Variants in ARB2A observed in about 807,000 individuals in gnomAD.
The protein encoded by ARB2A is cotranscriptional regulator ARB2A.
the ARB2A span, among the ~76,000 whole-genome samples, chr5:93,677,709 G>T: frequency 6.6e-6 from 1 of 152,328 alleles, no homozygotes; most frequent in South Asian, 2.1e-4. Context: ...ATGATGTTCA[G>T]TTTTTTAATT....
At chr5:93,746,017 T>C in the ARB2A span, among the ~76,000 whole-genome samples, 1 of 152,250 alleles carries the variant, frequency 6.6e-6, no homozygotes, top group Middle Eastern at 3.4e-3. Flanking sequence ...GGCAGCTGAG[T>C]ACTTTAAGGA....
At chr5:93,825,045 A>G in the ARB2A span, among the ~76,000 whole-genome samples, 42 of 152,314 alleles carry the variant, frequency 2.8e-4, no homozygotes, top group African/African-American at 9.1e-4. Context: ...TCAGGATTGT[A>G]CTGGTAAAGC....
chr5:93,837,717 A>T, the ARB2A span, among the ~76,000 whole-genome samples: 5 of 152,108 alleles, frequency 3.3e-5, no homozygotes, highest in Admixed American at 2.6e-4. Flanking sequence ...CTGCTGTGAG[A>T]TGGCATCTCA....
chr5:93,941,708 T>C, the ARB2A span, among the ~76,000 whole-genome samples: 1 of 152,184 alleles, frequency 6.6e-6, no homozygotes, highest in Non-Finnish European at 1.5e-5. Flanking sequence ...AATATCTAAT[T>C]GTTTTAAAAT....
the ARB2A span, among the ~76,000 whole-genome samples, chr5:94,031,981 G>A: frequency 1.3e-5 from 2 of 152,338 alleles, no homozygotes; most frequent in African/African-American, 4.8e-5. Context: ...GATGTGCAGA[G>A]GTGTGCAGGC....
the ARB2A span, chr5:93,881,757 T>C: frequency 3.4e-6 from 4 of 1,172,698 alleles, no homozygotes; most frequent in Admixed American, 1.0e-4. Flanking sequence ...AAAAAAGTTC[T>C]TAAAATTTCA....
chr5:93,851,405 CAT>C, the ARB2A span, among the ~76,000 whole-genome samples: 9 of 152,062 alleles, frequency 5.9e-5, no homozygotes, highest in East Asian at 1.9e-4. Flanking sequence ...TTTCAGTTCT[CAT>C]AGAGATATGA....
At chr5:93,976,648 G>A in the ARB2A span, among the ~76,000 whole-genome samples, 6 of 152,224 alleles carry the variant, frequency 3.9e-5, no homozygotes, top group Admixed American at 3.9e-4. Context: ...TCTCCTGCTG[G>A]ATGTGAAGAA....
the ARB2A span, chr5:93,733,233 G>C: frequency 1.5e-5 from 2 of 133,588 alleles, no homozygotes; most frequent in African/African-American, 5.7e-5. Context: ...ACGGAGTCTT[G>C]CTCCATTGCC....
At chr5:94,010,904 C>T in the ARB2A span, among the ~76,000 whole-genome samples, 12 of 152,036 alleles carry the variant, frequency 7.9e-5, no homozygotes, top group South Asian at 1.7e-3. Flanking sequence ...GAGGAAAATA[C>T]GCTACACAGG....
the ARB2A span, among the ~76,000 whole-genome samples, chr5:93,648,203 CT>C: frequency 6.6e-6 from 1 of 150,652 alleles, no homozygotes; most frequent in East Asian, 1.9e-4. Context: ...ATTTTATAGG[CT>C]TTTAAAAGAT....
the ARB2A span, among the ~76,000 whole-genome samples, chr5:93,904,536 C>T: frequency 6.6e-6 from 1 of 151,746 alleles, no homozygotes; most frequent in African/African-American, 2.4e-5. Flanking sequence ...AAAATCCTAT[C>T]TCTTTGTGTA....
chr5:93,691,935 A>C, the ARB2A span, among the ~76,000 whole-genome samples: 1 of 152,194 alleles, frequency 6.6e-6, no homozygotes, highest in African/African-American at 2.4e-5. Context: ...AAGCTTCATA[A>C]GCGAAGAAGA....
the ARB2A span, among the ~76,000 whole-genome samples, chr5:93,764,030 C>T: frequency 9.2e-5 from 14 of 152,198 alleles, no homozygotes; most frequent in African/African-American, 3.1e-4. Context: ...GTCAGAATCT[C>T]TCGGACACAT....
At chr5:93,644,563 C>T in the ARB2A span, among the ~76,000 whole-genome samples, 163 of 152,196 alleles carry the variant, frequency 1.1e-3, no homozygotes, top group African/African-American at 3.7e-3. Flanking sequence ...AAATAGAAAA[C>T]ATTTCTTTAC....
the ARB2A span, among the ~76,000 whole-genome samples, chr5:93,638,559 T>G: frequency 6.6e-6 from 1 of 152,048 alleles, no homozygotes; most frequent in Non-Finnish European, 1.5e-5. Flanking sequence ...ATGCCTGTAA[T>G]CCCAGCACTT....
chr5:94,093,842 C>T, the ARB2A span, among the ~76,000 whole-genome samples: 1 of 152,116 alleles, frequency 6.6e-6, no homozygotes, highest in African/African-American at 2.4e-5. Context: ...ACCTGTGAAA[C>T]CTGACAAGTT....
chr5:93,853,146 G>A, the ARB2A span, among the ~76,000 whole-genome samples: 1 of 151,974 alleles, frequency 6.6e-6, no homozygotes. Flanking sequence ...GCAGTGGTTT[G>A]TAGTTCTCCT....
At chr5:93,912,023 C>T in the ARB2A span, among the ~76,000 whole-genome samples, 5 of 151,466 alleles carry the variant, frequency 3.3e-5, no homozygotes, top group East Asian at 1.9e-4. Context: ...ATAATAAAGT[C>T]GAAATGAAGA....
Sources: gnomAD v4.1 joint callset for allele counts (sites outside exome capture counted in the v4.1 genomes callset) on GRCh38, gnomAD v4.1.1 for gene constraint, MANE v1.5 for transcripts, NCBI Gene and HGNC (gene_info 2026-07-23, HGNC 2026-07-21) for gene names.